Variants in TVP23B observed in about 807,000 individuals in gnomAD.
TVP23B encodes trans-golgi network vesicle protein 23 homolog B.
In TVP23B, 10 loss-of-function variants were observed where a neutral mutation model predicts 30.6. The observed-to-expected ratio is 0.33, with a 90% CI of 0.20 to 0.55. The LOEUF (loss-of-function observed/expected upper bound fraction) is 0.55, where lower values mean the gene tolerates loss of function less well. Among genes scored for constraint, TVP23B ranks in the 20% least tolerant of loss-of-function variants. The pLI, the probability that TVP23B is intolerant of heterozygous loss-of-function variation, is 0.91. For missense variants in TVP23B, 153 were observed against 243.2 expected, an observed-to-expected ratio of 0.63 and a Z score of 2.47; for synonymous variants, 67 against 83.1, an observed-to-expected ratio of 0.81 and a Z score of 1.06.
intron 5 of TVP23B, among the ~76,000 whole-genome samples, chr17:18,801,462 A>C (rs538945425): frequency 6.6e-6 from 1 of 151,958 alleles, no homozygotes; most frequent in Non-Finnish European, 1.5e-5. Context: ...CTGATGTCTG[A>C]GGCACGTGGC....
intron 1 of TVP23B, chr17:18,789,022 C>T (rs925448616): frequency 1.2e-5 from 3 of 246,796 alleles, no homozygotes; most frequent in African/African-American, 2.2e-5. Context: ...CCAGTAGCCT[C>T]GGCTTGCTCT....
chr17:18,798,659 G>T (rs1332808944), intron 4 of TVP23B, among the ~76,000 whole-genome samples, 153 bp from the exon 5 acceptor site: 1 of 152,158 alleles, frequency 6.6e-6, no homozygotes, highest in Non-Finnish European at 1.5e-5. Flanking sequence ...AAAATTACAA[G>T]AGTGATAGTC....
chr17:18,785,185 G>T (rs1331838036), intron 1 of TVP23B, among the ~76,000 whole-genome samples: 2 of 152,074 alleles, frequency 1.3e-5, no homozygotes, highest in African/African-American at 4.8e-5. Context: ...TTTCTAACAG[G>T]TGAGTCAGAA....
rs1271759376 is a variant in TVP23B, at chr17:18,806,410, A to G, written c.*843A>G. 1 of 428,486 alleles carries G rather than the reference A, an allele frequency of 2.3e-6. No individual in the cohort carries two copies. The highest frequency in any genetic ancestry group is 3.1e-6 in the Non-Finnish European group (1 of 323,060). The allele number at this position is 428,486 out of a possible 1,614,324, so 26.5% of individuals were successfully genotyped here. A position where few individuals can be genotyped will look rare whatever the true frequency, so the allele number is the denominator to read the frequency against. ...AAAAGACATTTTATTTTCTGAATCT[A>G]TTTTTTTCTTGCTATAATGGGGATA... On this transcript the variant is annotated 3_prime_UTR_variant, in exon 7 of 7. Transcript: ENST00000307767.
intron 1 of TVP23B, among the ~76,000 whole-genome samples, chr17:18,788,729 C>T (rs62075101): frequency 0.09 from 13,714 of 152,066 alleles, 639 homozygotes; most frequent in African/African-American, 0.11. Flanking sequence ...TTGCAGTGAG[C>T]CAAGATCGTG....
intron 3 of TVP23B, chr17:18,796,124 A>G (rs1416694651): frequency 6.6e-6 from 1 of 151,534 alleles, no homozygotes; most frequent in Non-Finnish European, 1.5e-5. Context: ...AGTATAGTAC[A>G]AAATGAAAAA....
chr17:18,793,367 G>C (rs994975747), intron 3 of TVP23B, among the ~76,000 whole-genome samples: 2 of 151,466 alleles, frequency 1.3e-5, no homozygotes, highest in Non-Finnish European at 2.9e-5. Flanking sequence ...CAGCACTTTG[G>C]GAGGCTGAGG....
chr17:18,781,528 G>C (rs2035807621), intron 1 of TVP23B: 2 of 698,232 alleles, frequency 2.9e-6, no homozygotes, highest in Non-Finnish European at 4.4e-6. Flanking sequence ...AGTACTTCTT[G>C]CGGCTGTGGG....
chr17:18,788,671 A>G (rs918061193), intron 1 of TVP23B, among the ~76,000 whole-genome samples: 1 of 151,804 alleles, frequency 6.6e-6, no homozygotes, highest in Admixed American at 6.6e-5. Flanking sequence ...AATCCCAACA[A>G]CTTGGAAGGC....
At chr17:18,782,297 A>G (rs1458254900) in intron 1 of TVP23B, 3 of 151,274 alleles carry the variant, frequency 2.0e-5, no homozygotes, top group Middle Eastern at 3.2e-3. Flanking sequence ...CATGAGGTCA[A>G]GAGATCGAGA....
intron 5 of TVP23B, among the ~76,000 whole-genome samples, chr17:18,802,601 T>C (rs1223455862): frequency 6.6e-6 from 1 of 152,076 alleles, no homozygotes; most frequent in African/African-American, 2.4e-5. Flanking sequence ...ACCTGGCTCT[T>C]TCTTTGGCCA....
intron 1 of TVP23B, among the ~76,000 whole-genome samples, chr17:18,785,622 G>A (rs1406985212): frequency 2.0e-5 from 3 of 152,002 alleles, no homozygotes; most frequent in Admixed American, 6.6e-5. Context: ...GCCTCTAATC[G>A]TAGCACTTTG....
chr17:18,787,469 G>T (rs557604055), intron 1 of TVP23B, among the ~76,000 whole-genome samples: 1 of 151,678 alleles, frequency 6.6e-6, no homozygotes, highest in Non-Finnish European at 1.5e-5. Context: ...AGGTAGGAGC[G>T]GGTAGATGTG....
chr17:18,796,134 ATGTC>A (rs2036072669), intron 3 of TVP23B: 1 of 151,622 alleles, frequency 6.6e-6, no homozygotes, highest in Non-Finnish European at 1.5e-5. Context: ...AAAATGAAAA[ATGTC>A]TGTGGTTTCT....
chr17:18,800,252 A>G (rs1165964491), intron 5 of TVP23B, among the ~76,000 whole-genome samples: 3 of 151,884 alleles, frequency 2.0e-5, no homozygotes, highest in African/African-American at 7.3e-5. Flanking sequence ...ATTCCTTCCT[A>G]TGAGTTTCCT....
chr17:18,797,994 C>T (rs1365791566), intron 4 of TVP23B, among the ~76,000 whole-genome samples: 1 of 151,382 alleles, frequency 6.6e-6, no homozygotes, highest in Non-Finnish European at 1.5e-5. Context: ...CTATGCTCAG[C>T]AGATAACTGC....
chr17:18,783,759 A>G (rs201588254), intron 1 of TVP23B, among the ~76,000 whole-genome samples: 1 of 152,194 alleles, frequency 6.6e-6, no homozygotes, highest in East Asian at 1.9e-4. Context: ...GCATTGTTCT[A>G]GTAATTCTCT....
intron 4 of TVP23B, among the ~76,000 whole-genome samples, chr17:18,798,077 C>T (rs1431108158): frequency 1.3e-5 from 2 of 152,222 alleles, no homozygotes; most frequent in Admixed American, 1.3e-4. Flanking sequence ...AGGAGGAGTG[C>T]AGCTGGATAG....
intron 1 of TVP23B, among the ~76,000 whole-genome samples, chr17:18,783,433 C>A (rs540709466): frequency 6.6e-6 from 1 of 151,872 alleles, no homozygotes; most frequent in Non-Finnish European, 1.5e-5. Context: ...AAATTTGTGA[C>A]GTGAACCTCA....
Sources: allele counts gnomAD v4.1 joint callset (sites outside exome capture counted in the v4.1 genomes callset), GRCh38; gene constraint gnomAD v4.1.1; transcripts MANE v1.5; gene names NCBI Gene and HGNC (gene_info 2026-07-23, HGNC 2026-07-21).